YTHDC2: variants seen among roughly 807,000 people sequenced by gnomAD.
The protein encoded by YTHDC2 is YTH N6-methyladenosine RNA binding protein C2, also known as 3'-5' RNA helicase YTHDC2.
YTHDC2 carries 45 observed loss-of-function variants against 174.9 expected under a neutral mutation model. That is an observed-to-expected ratio of 0.26 (90% CI 0.20 to 0.33). The LOEUF is 0.33. Ranked by LOEUF, YTHDC2 falls within the 10% of genes least tolerant of loss-of-function variation. The pLI is 1.00. For synonymous variants in YTHDC2, 657 were observed against 574.5 expected (o/e 1.14, Z -2.05); for missense variants, 1,650 against 1,723.7 (o/e 0.96, Z 0.76).
At position 113,593,385 on chromosome 5, in the gene YTHDC2, A is replaced by T; in HGVS notation, c.*2A>T. On this transcript the variant is annotated 3_prime_UTR_variant, in exon 29 of 30. Coordinates refer to ENST00000161863, the MANE Select transcript of YTHDC2 (RefSeq NM_022828.5). The stretch of plus-strand genomic sequence containing the variant: ...GGAGAAAAAAACACAACTGATTGAC[A>T]CTCAGGTTATACCATCTTGACTTTG... 1 of 1,610,910 alleles carries T rather than the reference A, an allele frequency of 6.2e-7. No individual in the cohort carries two copies. The highest frequency in any genetic ancestry group is 8.5e-7 in the Non-Finnish European group (1 of 1,177,686).
chr5:113,592,190 CA>C lies in YTHDC2; in HGVS notation c.4212+13del, dbSNP rs759763808. The C allele has an allele frequency of 2.0e-6, 3 of 1,479,810 alleles. No individual in the cohort carries two copies. In the African/African-American group the frequency reaches 6.7e-5, roughly 33 times the overall value. 91.7% of individuals were successfully genotyped at this position (1,479,810 alleles called of 1,614,324 possible). On this transcript the variant is annotated intron_variant, in intron 28 of 29. Coordinates refer to ENST00000161863, the MANE Select transcript of YTHDC2 (RefSeq NM_022828.5). ...GCAGGGATGGGCAGGTATACAATGG[CA>C]TTTTTTTTTTTATTTACTTTTGTTT...
In YTHDC2 at chr5:113,548,964, G is replaced by A. The variant is rs919466810; in HGVS notation, c.1632G>A (p.Leu544=). Residue 544 remains leucine, a synonymous_variant, in exon 12 of 30, where the codon TTG becomes TTA. Coordinates refer to ENST00000161863, the MANE Select transcript of YTHDC2 (RefSeq NM_022828.5). ...CTTTGAATTTTGGCAGGATGGCATT[G>A]GATTGGGCTAAACACTTTGGGCAGA... is the stretch of plus-strand genomic sequence containing the variant. The part of the protein sequence containing the change: ...HSKASNGWMA[L]DWAKHFGQTE... The A allele has an allele frequency of 6.2e-7, 1 of 1,612,332 alleles. No individual in the cohort carries two copies. Among genetic ancestry groups the A allele is most frequent in the African/African-American group, 1.3e-5 (1 of 74,760 alleles).
chr5:113,582,551 T>C (rs564584074), intron 25 of YTHDC2: 1 of 152,338 alleles, frequency 6.6e-6, no homozygotes, highest in East Asian at 1.9e-4. Flanking sequence ...TTCACCTTGT[T>C]AAAATTCATA....
At position 113,553,479 on chromosome 5, in the gene YTHDC2, C is replaced by G. The variant is rs1246578154; in HGVS notation, c.1868-111C>G. 3.5e-6 allele frequency: 5 copies of G among 1,428,810 alleles called. No individual in the cohort carries two copies. In the African/African-American group the frequency reaches 7.2e-5, roughly 21 times the overall value. 88.5% of individuals were successfully genotyped at this position (1,428,810 alleles called of 1,614,324 possible). A position where few individuals can be genotyped will look rare whatever the true frequency, so the allele number is the denominator to read the frequency against. On this transcript the variant is annotated intron_variant, in intron 13 of 29. Transcript: ENST00000161863. ...TAGTAAGTGAATAATCTCCTGTCATCTTATGATAGTTTACCAGTACTTGAA... is the reference window on the plus strand; with the variant it reads ...TAGTAAGTGAATAATCTCCTGTCATGTTATGATAGTTTACCAGTACTTGAA...
Position 113,581,469 on chromosome 5 carries a change from G to C in YTHDC2, c.3407G>C (p.Arg1136Pro). The part of the protein sequence containing the change: ...LRQKWHSLFL[R>P]RMRAPSKPWS... ...CAGAAGTGGCATAGCTTATTTTTAC[G>C]CCGAATGAGAGCTCCATCTAAACCT... Residue 1136 changes from arginine to proline, a missense_variant, in exon 25 of 30, where the codon CGC becomes CCC. By Grantham distance (103) the Arg-to-Pro change is moderately radical (BLOSUM62 -2). This residue lies in a region of YTHDC2 where 913 missense variants were observed against 940.4 expected (regional missense o/e 0.97). Coordinates refer to ENST00000161863, the MANE Select transcript of YTHDC2 (RefSeq NM_022828.5). 6.2e-7 allele frequency: 1 copy of C among 1,612,936 alleles called. No homozygotes were observed.
intron 2 of YTHDC2, among the ~76,000 whole-genome samples, chr5:113,524,286 ACTC>A (rs1774067942): frequency 6.6e-6 from 1 of 152,002 alleles, no homozygotes; most frequent in Non-Finnish European, 1.5e-5. Flanking sequence ...TATACCTACT[ACTC>A]TTAGAGCCGC....
intron 7 of YTHDC2, among the ~76,000 whole-genome samples, chr5:113,537,636 T>C (rs916228256): frequency 4.6e-5 from 7 of 151,900 alleles, no homozygotes; most frequent in African/African-American, 1.7e-4. Flanking sequence ...CTACTAGGTA[T>C]TGGAGATGCA....
rs768900275 is a variant in YTHDC2 at position 113,553,644 on chromosome 5, G to A, written c.1922G>A (p.Arg641His). ...GACGAAATTGTTGGACTGAGAGATC[G>A]CATCCTGTTTGATGACAAGCGGTTT... ...GYDEIVGLRD[R>H]ILFDDKRFAD... The change falls in exon 14 of 30, where the codon CGC (arginine) becomes CAC (histidine). Residue 641 changes from arginine (R) to histidine (H), a missense_variant. Arg to His is a conservative substitution (Grantham distance 29). Around this residue, in one of 5 missense-constraint regions of YTHDC2, gnomAD observed 17 missense variants for 37.3 expected, o/e 0.46. Coordinates refer to ENST00000161863, the MANE Select transcript of YTHDC2 (RefSeq NM_022828.5). 5.0e-6 allele frequency: 8 copies of A among 1,613,358 alleles called. No homozygotes were observed. The highest frequency in any genetic ancestry group is 2.2e-5 in the East Asian group (1 of 44,854).
At chr5:113,534,602 T>C (rs1222483138) in intron 6 of YTHDC2, among the ~76,000 whole-genome samples, 195 bp downstream of exon 6, 2 of 152,158 alleles carry the variant, frequency 1.3e-5, no homozygotes, top group South Asian at 4.1e-4. Context: ...ATTAGAAATA[T>C]TTTGTATTAC....
intron 27 of YTHDC2, 29 bp downstream of exon 27, chr5:113,591,273 G>A (rs1476289496): frequency 1.2e-6 from 2 of 1,610,330 alleles, no homozygotes; most frequent in South Asian, 1.1e-5. Context: ...GTAAAATGGG[G>A]TTGTTCTGGC....
At chr5:113,575,068 C>A (rs1341941224) in intron 23 of YTHDC2, among the ~76,000 whole-genome samples, 1 of 152,104 alleles carries the variant, frequency 6.6e-6, no homozygotes, top group Non-Finnish European at 1.5e-5. Flanking sequence ...GTATGTATGC[C>A]TAGTATGTCC....
In YTHDC2 at chr5:113,565,955, A is replaced by C. The variant is rs756589057; in HGVS notation, c.2778A>C (p.Ser926=). 6.2e-7 allele frequency: 1 copy of C among 1,613,846 alleles called. No homozygotes were observed. The highest frequency in any genetic ancestry group is 1.1e-5 in the South Asian group (1 of 91,048). The change falls in exon 21 of 30, where the codon TCA becomes TCC. Residue 926 remains serine, a synonymous_variant. Coordinates refer to ENST00000161863, the MANE Select transcript of YTHDC2 (RefSeq NM_022828.5). ...CCTTTTGTGAAAAGAATTTTCTTTCACAGGCTACTATGGAAATAATCATAG... is the reference window on the plus strand; with the variant it reads ...CCTTTTGTGAAAAGAATTTTCTTTCCCAGGCTACTATGGAAATAATCATAG... ...ERAFCEKNFL[S]QATMEIIIGM...
At chr5:113,545,274 A>G (rs898866141) in intron 10 of YTHDC2, among the ~76,000 whole-genome samples, 2 of 152,178 alleles carry the variant, frequency 1.3e-5, no homozygotes, top group Non-Finnish European at 2.9e-5. Context: ...CTTAAAAAAT[A>G]AGTGAGGGTT....
chr5:113,541,633 G>T (rs1775477002), intron 9 of YTHDC2, among the ~76,000 whole-genome samples: 1 of 152,064 alleles, frequency 6.6e-6, no homozygotes, highest in African/African-American at 2.4e-5. Context: ...ATGTAATGCA[G>T]ATATGTTTGC....
At chr5:113,519,872 C>T (rs935887642) in intron 2 of YTHDC2, among the ~76,000 whole-genome samples, 2 of 152,122 alleles carry the variant, frequency 1.3e-5, no homozygotes, top group Non-Finnish European at 2.9e-5. Context: ...AGTCAATACA[C>T]ATAATTTCTT....
chr5:113,580,306 A>G (rs1026459408), intron 24 of YTHDC2, among the ~76,000 whole-genome samples: 6 of 152,128 alleles, frequency 3.9e-5, no homozygotes, highest in African/African-American at 1.4e-4. Flanking sequence ...GATATATAAG[A>G]AAGTATTGAG....
intron 2 of YTHDC2, among the ~76,000 whole-genome samples, chr5:113,521,843 A>G (rs899962708): frequency 6.6e-6 from 1 of 150,492 alleles, no homozygotes; most frequent in African/African-American, 2.4e-5. Flanking sequence ...AAAAAGAAAA[A>G]CCCAGAAAAA....
At chr5:113,519,500 A>G (rs1773715788) in intron 2 of YTHDC2, among the ~76,000 whole-genome samples, 1 of 152,208 alleles carries the variant, frequency 6.6e-6, no homozygotes, top group Non-Finnish European at 1.5e-5. Flanking sequence ...CTTTGTTAAA[A>G]ATCTGTAGAA....
In YTHDC2 at chr5:113,592,013, T is replaced by G; in HGVS notation, c.4047T>G (p.Ser1349=). 6.2e-7 allele frequency: 1 copy of G among 1,608,976 alleles called. No homozygotes were observed. The highest frequency in any genetic ancestry group is 8.5e-7 in the Non-Finnish European group (1 of 1,177,294). The stretch of plus-strand genomic sequence containing the variant: ...ACCTACAGGGATTTTCTAGGATGTC[T>G]TCTGAGATTGGAAGGGAAAAGAGTC... The part of the protein sequence containing the change: ...SGHFQGFSRM[S]SEIGREKSQD... The change falls in exon 28 of 30, where the codon TCT becomes TCG. Residue 1349 remains serine, a synonymous_variant. Transcript: ENST00000161863.
Sources: gnomAD v4.1 joint callset for allele counts (sites outside exome capture counted in the v4.1 genomes callset) on GRCh38, gnomAD v4.1.1 for gene constraint, gnomAD v4.1.1 regional missense constraint, MANE v1.5 for transcripts, NCBI Gene and HGNC (gene_info 2026-07-23, HGNC 2026-07-21) for gene names.